The following PARD3 variants were observed in gnomAD, a reference collection of about 807,000 sequenced individuals.
The protein encoded by PARD3 is partitioning defective 3 homolog.
In PARD3, 75 loss-of-function variants were observed where a neutral mutation model predicts 155.4. The ratio of observed to expected loss-of-function variants is 0.48; its 90% confidence interval spans 0.40 to 0.58. PARD3 has a LOEUF of 0.58. Among genes scored for constraint, PARD3 ranks in the 20% least tolerant of loss-of-function variants. PARD3 has a pLI of 0.00. For synonymous variants in PARD3, 576 were observed against 610.5 expected (o/e 0.94, Z 0.83); for missense variants, 1,642 against 1,721.7 (o/e 0.95, Z 0.82).
intron 15 of PARD3, 141 bp downstream of exon 15, chr10:34,347,824 C>G (rs753714481): frequency 1.7e-6 from 1 of 578,838 alleles, no homozygotes; most frequent in East Asian, 3.4e-5. Flanking sequence ...TAAACCTGTT[C>G]TCTTTTGTCT....
intron 5 of PARD3, among the ~76,000 whole-genome samples, chr10:34,436,538 A>G (rs1325570918): frequency 1.3e-5 from 2 of 152,256 alleles, no homozygotes; most frequent in African/African-American, 4.8e-5. Flanking sequence ...GGTTGACAAC[A>G]TCTATCAAAG....
At chr10:34,657,428 C>T (rs2093202383) in intron 2 of PARD3, among the ~76,000 whole-genome samples, 1 of 152,184 alleles carries the variant, frequency 6.6e-6, no homozygotes, top group South Asian at 2.1e-4. Context: ...TTGACAATCA[C>T]CTGATAACCA....
intron 2 of PARD3, among the ~76,000 whole-genome samples, chr10:34,578,280 A>C (rs1483798928): frequency 6.6e-6 from 1 of 152,128 alleles, no homozygotes; most frequent in African/African-American, 2.4e-5. Flanking sequence ...GCCATCCTTA[A>C]GCCCATTTAT....
chr10:34,565,779 A>C (rs2134105481), intron 2 of PARD3, among the ~76,000 whole-genome samples: 1 of 152,264 alleles, frequency 6.6e-6, no homozygotes, highest in East Asian at 1.9e-4. Flanking sequence ...GACAACACTA[A>C]TCAGATCACC....
At chr10:34,333,860 T>C (rs970079250) in intron 18 of PARD3, among the ~76,000 whole-genome samples, 2 of 151,998 alleles carry the variant, frequency 1.3e-5, no homozygotes, top group Non-Finnish European at 2.9e-5. Context: ...CAAGAAACTA[T>C]AACAAAGGTT....
chr10:34,471,428 T>C (rs921470882), intron 3 of PARD3, among the ~76,000 whole-genome samples: 3 of 152,112 alleles, frequency 2.0e-5, no homozygotes, highest in Admixed American at 6.6e-5. Context: ...GAACTAAAAG[T>C]TCCACTCAGC....
intron 2 of PARD3, among the ~76,000 whole-genome samples, chr10:34,567,426 C>T (rs1323825790): frequency 6.6e-6 from 1 of 152,174 alleles, no homozygotes; most frequent in African/African-American, 2.4e-5. Context: ...GCTTAACATA[C>T]TGTGATTACC....
In PARD3 at chr10:34,586,806, G is replaced by A. The variant is rs575428498; in HGVS notation, c.223-69647C>T. On this transcript the variant is annotated intron_variant, in intron 2 of 24. Transcript: ENST00000374788. Reference sequence around the variant, plus strand: ...TCCCTACTAAAAATAAAAATTAGCCGGGCATAGTGGCACATGCCTGTAATC... The same window carrying A: ...TCCCTACTAAAAATAAAAATTAGCCAGGCATAGTGGCACATGCCTGTAATC... Among the ~76,000 whole-genome samples, 77 of 152,064 alleles carry A rather than the reference G, an allele frequency of 5.1e-4. 1 individual carries two copies. The South Asian group carries it at 0.011, about 23-fold the overall frequency.
chr10:34,300,748 A>C (rs1415617757), intron 20 of PARD3, among the ~76,000 whole-genome samples: 1 of 152,210 alleles, frequency 6.6e-6, no homozygotes, highest in African/African-American at 2.4e-5. Context: ...GACTGGAACT[A>C]GGCAGCTAAT....
chr10:34,177,674 C>T (rs1950094979), intron 22 of PARD3, among the ~76,000 whole-genome samples: 2 of 152,170 alleles, frequency 1.3e-5, no homozygotes, highest in Admixed American at 6.5e-5. Flanking sequence ...AGGGCTGCCT[C>T]GTTTTAGTAG....
intron 10 of PARD3, 141 bp from the exon 11 acceptor site, chr10:34,375,143 A>AG (rs2134669490): frequency 1.5e-6 from 1 of 649,292 alleles, no homozygotes; most frequent in East Asian, 2.8e-5. Context: ...TTTCATGCAC[A>AG]ATTCTGCCAT....
chr10:34,215,128 A>G (rs1372471380), intron 22 of PARD3, among the ~76,000 whole-genome samples: 1 of 152,240 alleles, frequency 6.6e-6, no homozygotes, highest in Non-Finnish European at 1.5e-5. Context: ...TACACTTTAA[A>G]TACACTCATT....
intron 7 of PARD3, among the ~76,000 whole-genome samples, chr10:34,398,731 G>A (rs979566981): frequency 6.6e-6 from 1 of 152,134 alleles, no homozygotes; most frequent in Non-Finnish European, 1.5e-5. Context: ...CAGAATCAAG[G>A]AAACTGACAT....
intron 22 of PARD3, among the ~76,000 whole-genome samples, chr10:34,136,454 T>C (rs1947902412): frequency 6.6e-6 from 1 of 152,028 alleles, no homozygotes. Context: ...TGGAAGAGAG[T>C]AGTTTTAAGA....
chr10:34,240,005 C>T (rs1294315048), intron 22 of PARD3, among the ~76,000 whole-genome samples: 3 of 152,172 alleles, frequency 2.0e-5, no homozygotes, highest in Non-Finnish European at 4.4e-5. Context: ...ACAGAAGCAG[C>T]AGCTAACAAT....
intron 1 of PARD3, among the ~76,000 whole-genome samples, chr10:34,763,821 G>T (rs1470983663): frequency 6.6e-6 from 1 of 152,138 alleles, no homozygotes; most frequent in Non-Finnish European, 1.5e-5. Flanking sequence ...CTGCCACCAT[G>T]TATACTGGGT....
At chr10:34,293,569 A>G (rs766820066) in intron 20 of PARD3, among the ~76,000 whole-genome samples, 1 of 152,206 alleles carries the variant, frequency 6.6e-6, no homozygotes, top group Non-Finnish European at 1.5e-5. Context: ...GGTCATGTCC[A>G]CTTAAAATGA....
At chr10:34,373,512 A>G (rs758518933) in intron 11 of PARD3, among the ~76,000 whole-genome samples, 3 of 151,684 alleles carry the variant, frequency 2.0e-5, no homozygotes, top group South Asian at 2.1e-4. Flanking sequence ...GGCAAATCAC[A>G]TGGAAAGCTA....
At chr10:34,410,626 T>C (rs1844951780) in intron 5 of PARD3, among the ~76,000 whole-genome samples, 1 of 152,250 alleles carries the variant, frequency 6.6e-6, no homozygotes, top group South Asian at 2.1e-4. Context: ...ATTGATATCA[T>C]TACCAGCCTC....
Sources: gnomAD v4.1 joint callset for allele counts (sites outside exome capture counted in the v4.1 genomes callset) on GRCh38, gnomAD v4.1.1 for gene constraint, MANE v1.5 for transcripts, NCBI Gene and HGNC (gene_info 2026-07-23, HGNC 2026-07-21) for gene names.